HIPK2: variants seen among roughly 807,000 people sequenced by gnomAD.
The protein encoded by HIPK2 is homeodomain-interacting protein kinase 2.
In HIPK2, 27 loss-of-function variants were observed where a neutral mutation model predicts 113.7. The observed-to-expected ratio is 0.24, with a 90% confidence interval of 0.17 to 0.33. The LOEUF is 0.33. Among genes scored for constraint, HIPK2 ranks in the 10% least tolerant of loss-of-function variants. HIPK2 has a pLI of 1.00. For missense variants in HIPK2, 1,257 were observed against 1,588.0 expected, an observed-to-expected ratio of 0.79 and a Z score of 3.54; for synonymous variants, 631 against 642.2, an observed-to-expected ratio of 0.98 and a Z score of 0.26.
chr7:139,738,303 G>A (rs1795997292), intron 1 of HIPK2, among the ~76,000 whole-genome samples: 1 of 152,222 alleles, frequency 6.6e-6, no homozygotes, highest in African/African-American at 2.4e-5. Flanking sequence ...GGAAACACAC[G>A]CTGAAGCATC....
intron 1 of HIPK2, among the ~76,000 whole-genome samples, chr7:139,728,466 AC>A (rs1394560370): frequency 5.9e-5 from 9 of 152,146 alleles, no homozygotes; most frequent in Admixed American, 2.0e-4. Context: ...TCCTTGGCTC[AC>A]TGATGACTGT....
At chr7:139,718,929 G>A (rs1795324716) in intron 1 of HIPK2, among the ~76,000 whole-genome samples, 1 of 152,100 alleles carries the variant, frequency 6.6e-6, no homozygotes, top group Non-Finnish European at 1.5e-5. Flanking sequence ...ATGCACTATA[G>A]GCTCCTGTTC....
At chr7:139,587,791 T>C (rs1488140060) in intron 12 of HIPK2, among the ~76,000 whole-genome samples, 3 of 151,696 alleles carry the variant, frequency 2.0e-5, no homozygotes. Flanking sequence ...GGCAGGAAGA[T>C]GGCTTGAGCC....
chr7:139,729,542 G>A (rs958093341), intron 1 of HIPK2, among the ~76,000 whole-genome samples: 1 of 152,172 alleles, frequency 6.6e-6, no homozygotes, highest in African/African-American at 2.4e-5. Context: ...CCTCAGCATC[G>A]AGGAGGAGCC....
chr7:139,753,638 G>C (rs986531194), intron 1 of HIPK2, among the ~76,000 whole-genome samples: 1 of 152,224 alleles, frequency 6.6e-6, no homozygotes, highest in Non-Finnish European at 1.5e-5. Flanking sequence ...ATTGAGTTGA[G>C]CACAGTAGGG....
intron 2 of HIPK2, among the ~76,000 whole-genome samples, chr7:139,688,136 C>G (rs56075729): frequency 0.13 from 20,492 of 152,124 alleles, 1,541 homozygotes; most frequent in Non-Finnish European, 0.18. Flanking sequence ...CAGGGACAAT[C>G]CACTGGGCAC....
intron 2 of HIPK2, among the ~76,000 whole-genome samples, chr7:139,644,485 C>T (rs1297076293): frequency 1.3e-5 from 2 of 152,230 alleles, no homozygotes; most frequent in African/African-American, 4.8e-5. Context: ...GGCTCCTGCC[C>T]AGGTGAGCGC....
At chr7:139,745,361 T>A (rs1478936857) in intron 1 of HIPK2, among the ~76,000 whole-genome samples, 1 of 152,148 alleles carries the variant, frequency 6.6e-6, no homozygotes, top group African/African-American at 2.4e-5. Context: ...GATTTAGCAT[T>A]CAAGTGTGAG....
At position 139,572,310 on chromosome 7, in the gene HIPK2, T is replaced by A. The variant is rs1453959695; in HGVS notation, c.*617A>T. The A allele has an allele frequency of 6.6e-6, 1 of 152,146 alleles. No individual in the cohort carries two copies. Among genetic ancestry groups the A allele is most frequent in the African/African-American group, 2.4e-5 (1 of 41,424 alleles). 9.4% of individuals were successfully genotyped at this position (152,146 alleles called of 1,614,324 possible). A position where few individuals can be genotyped will look rare whatever the true frequency, so the allele number is the denominator to read the frequency against. On this transcript the variant is annotated 3_prime_UTR_variant, in exon 15 of 15. Coordinates refer to ENST00000406875, the MANE Select transcript of HIPK2 (RefSeq NM_022740.5). ...TGGGCTTCGCCAATCCCACACCAGC[T>A]CCAAACATCAGCCTCCTCAGGCTGC...
chr7:139,584,991 T>A (rs1798789083), intron 12 of HIPK2, among the ~76,000 whole-genome samples: 1 of 152,254 alleles, frequency 6.6e-6, no homozygotes, highest in Non-Finnish European at 1.5e-5. Context: ...CTACTTCTGT[T>A]TGTCTTCAAA....
intron 1 of HIPK2, among the ~76,000 whole-genome samples, chr7:139,745,837 A>C (rs1796181339): frequency 6.6e-6 from 1 of 152,154 alleles, no homozygotes; most frequent in Non-Finnish European, 1.5e-5. Flanking sequence ...GGGACTCAGT[A>C]AATGTTTACT....
intron 2 of HIPK2, among the ~76,000 whole-genome samples, chr7:139,695,426 C>T (rs2116813517): frequency 6.6e-6 from 1 of 152,246 alleles, no homozygotes; most frequent in South Asian, 2.1e-4. Context: ...CTTGGGGCCA[C>T]CATGAAATGG....
chr7:139,658,231 A>C (rs897064880), intron 2 of HIPK2, among the ~76,000 whole-genome samples: 13 of 151,824 alleles, frequency 8.6e-5, no homozygotes, highest in African/African-American at 3.1e-4. Context: ...ACTTGAACCC[A>C]GGAGGCGGAG....
intron 1 of HIPK2, among the ~76,000 whole-genome samples, chr7:139,759,899 C>T (rs2117138728): frequency 6.6e-6 from 1 of 152,176 alleles, no homozygotes; most frequent in South Asian, 2.1e-4. Context: ...GTATACTTCT[C>T]TATATTGTTT....
Position 139,569,529 on chromosome 7 carries a change from C to T in HIPK2, c.*3398G>A, listed in dbSNP as rs553418569. ...GCTAAGGGCTGGACAGTCAGTGACT[C>T]GACATTCCCCGAGCCCATGAGATGC... On this transcript the variant is annotated 3_prime_UTR_variant, in exon 15 of 15. Coordinates refer to ENST00000406875, the MANE Select transcript of HIPK2 (RefSeq NM_022740.5). 1.3e-5 allele frequency: 2 copies of T among 152,112 alleles called. No individual in the cohort carries two copies. The highest frequency in any genetic ancestry group is 4.8e-5 in the African/African-American group (2 of 41,410). The allele number at this position is 152,112 out of a possible 1,614,324, so 9.4% of individuals were successfully genotyped here.
Position 139,565,388 on chromosome 7 carries a change from T to C in HIPK2, c.*7539A>G. 6.6e-6 allele frequency: 1 copy of C among 152,002 alleles called. No homozygotes were observed. Among genetic ancestry groups the C allele is most frequent in the East Asian group, 1.9e-4 (1 of 5,188 alleles). 9.4% of individuals were successfully genotyped at this position (152,002 alleles called of 1,614,324 possible). ...GCCTGGAGCCAGTCAACAAAGAAGG[T>C]TTTAAATGAAAAAAGGAACAAGAAA... On this transcript the variant is annotated 3_prime_UTR_variant, in exon 15 of 15. Coordinates refer to ENST00000406875, the MANE Select transcript of HIPK2 (RefSeq NM_022740.5).
At chr7:139,625,236 G>A (rs963239889) in intron 6 of HIPK2, among the ~76,000 whole-genome samples, 2 of 152,136 alleles carry the variant, frequency 1.3e-5, no homozygotes, top group Non-Finnish European at 2.9e-5. Context: ...CTTCATGAAA[G>A]GTTGCTATTT....
chr7:139,584,715 A>G (rs1798780299), intron 12 of HIPK2, among the ~76,000 whole-genome samples: 2 of 152,336 alleles, frequency 1.3e-5, no homozygotes, highest in South Asian at 4.1e-4. Flanking sequence ...TGTGCAGGCC[A>G]CTACGACCTC....
intron 9 of HIPK2, among the ~76,000 whole-genome samples, chr7:139,609,062 A>G (rs1412383884): frequency 6.6e-6 from 1 of 152,224 alleles, no homozygotes; most frequent in East Asian, 1.9e-4. Flanking sequence ...TAGTCAAAGG[A>G]GATTTTAGAT....
Sources: allele counts gnomAD v4.1 joint callset (sites outside exome capture counted in the v4.1 genomes callset), GRCh38; gene constraint gnomAD v4.1.1; transcripts MANE v1.5; gene names NCBI Gene and HGNC (gene_info 2026-07-23, HGNC 2026-07-21).